TMIGD1: variants seen among roughly 807,000 people sequenced by gnomAD.
TMIGD1 encodes the protein transmembrane and immunoglobulin domain containing 1.
In TMIGD1, 29 loss-of-function variants were observed where a neutral mutation model predicts 27.5. That is an observed-to-expected ratio of 1.05 (90% CI 0.78 to 1.44). The LOEUF is 1.44. Among genes scored for constraint, TMIGD1 ranks in the 40% most tolerant of loss-of-function variants. TMIGD1 has a pLI of 0.00. For synonymous variants in TMIGD1, 109 were observed against 110.3 expected, an observed-to-expected ratio of 0.99 and a Z score of 0.07; for missense variants, 334 against 310.6, an observed-to-expected ratio of 1.08 and a Z score of -0.57.
At chr17:30,325,283 A>T (rs1488496407) in intron 3 of TMIGD1, among the ~76,000 whole-genome samples, 189 bp from the exon 4 acceptor site, 1 of 152,180 alleles carries the variant, frequency 6.6e-6, no homozygotes, top group Non-Finnish European at 1.5e-5. Context: ...ATCTCATAGA[A>T]CTTTTAATGT....
intron 6 of TMIGD1, 66 bp downstream of exon 6, chr17:30,317,127 G>GTGA: frequency 6.5e-7 from 1 of 1,529,810 alleles, no homozygotes; most frequent in South Asian, 1.1e-5. Flanking sequence ...TTTGTCTAGA[G>GTGA]TGATGCATAT....
At chr17:30,318,043 G>A (rs117081340) in intron 5 of TMIGD1, among the ~76,000 whole-genome samples, 143 of 152,100 alleles carry the variant, frequency 9.4e-4, no homozygotes, top group South Asian at 4.6e-3. Flanking sequence ...ACTCCAGCCT[G>A]GGAGAGAGAG....
rs1490989411 is a variant in TMIGD1 at position 30,329,534 on chromosome 17, G to A, written c.83-5C>T. On this transcript the variant is annotated splice_polypyrimidine_tract_variant and splice_region_variant and intron_variant, in intron 2 of 6. Coordinates refer to ENST00000328886, the MANE Select transcript of TMIGD1 (RefSeq NM_206832.3). ...CATTCACAGTTAAAACAGAACCTGG[G>A]AGTATAGGGAGAAACTATTTAGATA... is the stretch of plus-strand genomic sequence containing the variant. 6.2e-7 allele frequency: 1 copy of A among 1,604,184 alleles called. No homozygotes were observed. The highest frequency in any genetic ancestry group is 8.5e-7 in the Non-Finnish European group (1 of 1,172,566).
intron 1 of TMIGD1, among the ~76,000 whole-genome samples, 157 bp downstream of exon 1, chr17:30,333,843 C>T (rs1910062936): frequency 6.6e-6 from 1 of 151,928 alleles, no homozygotes; most frequent in South Asian, 2.1e-4. Flanking sequence ...GGCTTCTTGC[C>T]AGACCTCACC....
intron 6 of TMIGD1, 120 bp from the exon 7 acceptor site, chr17:30,316,810 A>G (rs759837789): frequency 1.1e-4 from 102 of 897,642 alleles, no homozygotes; most frequent in Non-Finnish European, 1.6e-4. Flanking sequence ...CCCACTTCAC[A>G]TATGCTAGAA....
Position 30,332,179 on chromosome 17 carries a change from T to G in TMIGD1, c.-25-21A>C, listed in dbSNP as rs1197255714. The G allele has an allele frequency of 4.6e-6, 7 of 1,522,808 alleles. No individual in the cohort carries two copies. The South Asian group carries it at 8.1e-5, about 18-fold the overall frequency. The allele number at this position is 1,522,808 out of a possible 1,614,324, so 94.3% of individuals were successfully genotyped here. On this transcript the variant is annotated intron_variant, in intron 1 of 6. Coordinates refer to ENST00000328886, the MANE Select transcript of TMIGD1 (RefSeq NM_206832.3). ...ATCTACTAAGGGAAAAATAGTGCAG[T>G]TGGTTTTGTACTTTGGTCTGCAATG...
chr17:30,317,480 C>T (rs111356098), intron 5 of TMIGD1, among the ~76,000 whole-genome samples: 4,456 of 152,120 alleles, frequency 0.029, 218 homozygotes, highest in African/African-American at 0.1. Flanking sequence ...AAAATGCGGC[C>T]GAGTGCAGTG....
At chr17:30,332,460 A>G (rs576554832) in intron 1 of TMIGD1, among the ~76,000 whole-genome samples, 4 of 152,326 alleles carry the variant, frequency 2.6e-5, no homozygotes, top group African/African-American at 7.2e-5. Flanking sequence ...ATAGAATTTC[A>G]TTTTAGCAGA....
In TMIGD1 at chr17:30,329,311, AG is replaced by A. The variant is rs1567851345; in HGVS notation, c.300del (p.Phe101LeufsTer17). The A allele has an allele frequency of 6.2e-7, 1 of 1,614,066 alleles. No homozygotes were observed. The highest frequency in any genetic ancestry group is 1.7e-5 in the Admixed American group (1 of 59,990). ...TGATCCCTCCCCAGCCTGCAGGTAA[AG>A]CTGATTCCGTTGTCATTTTCACTGA... ...SSISENDNGI[S>X]FTCRLGRDQS... On this transcript the variant is annotated frameshift_variant, in exon 3 of 7. Transcript: ENST00000328886. LOFTEE classifies it high-confidence loss of function.
chr17:30,329,402 C>T lies in TMIGD1; in HGVS notation c.210G>A (p.Glu70=), dbSNP rs369359410. ...TREEELLWYR[E]EGRVDLKSGN... ...CAGATTTCAAATCCACTCTCCCCTCCTCTCGGTACCAGAGCAGTTCTTCCT... is the reference window on the plus strand; with the variant it reads ...CAGATTTCAAATCCACTCTCCCCTCTTCTCGGTACCAGAGCAGTTCTTCCT... The change falls in exon 3 of 7, where the codon GAG becomes GAA. Residue 70 remains glutamate (E), a synonymous_variant. Coordinates refer to ENST00000328886, the MANE Select transcript of TMIGD1 (RefSeq NM_206832.3). The T allele has an allele frequency of 1.6e-4, 251 of 1,614,106 alleles. No homozygotes were observed. Among genetic ancestry groups the T allele is most frequent in the Non-Finnish European group, 2.1e-4 (243 of 1,180,052 alleles).
At chr17:30,332,511 A>T (rs1744757038) in intron 1 of TMIGD1, among the ~76,000 whole-genome samples, 1 of 152,176 alleles carries the variant, frequency 6.6e-6, no homozygotes, top group Non-Finnish European at 1.5e-5. Flanking sequence ...TACTGAACAA[A>T]GTAATTCTTG....
chr17:30,321,775 GA>G (rs2143145511), intron 4 of TMIGD1, among the ~76,000 whole-genome samples: 1 of 152,302 alleles, frequency 6.6e-6, no homozygotes, highest in African/African-American at 2.4e-5. Flanking sequence ...TTAAGATTAT[GA>G]AATAGGGTTT....
At chr17:30,322,829 G>A (rs542320868) in intron 4 of TMIGD1, among the ~76,000 whole-genome samples, 1 of 152,290 alleles carries the variant, frequency 6.6e-6, no homozygotes, top group East Asian at 1.9e-4. Context: ...ACAAACCGAA[G>A]TAAACTACCT....
chr17:30,332,563 C>T (rs1230026807), intron 1 of TMIGD1, among the ~76,000 whole-genome samples: 1 of 152,118 alleles, frequency 6.6e-6, no homozygotes, highest in Non-Finnish European at 1.5e-5. Context: ...AAGATGTTCT[C>T]TGATAATAGA....
At chr17:30,317,312 G>A (rs1909447285) in intron 5 of TMIGD1, 79 bp from the exon 6 acceptor site, 14 of 1,518,290 alleles carry the variant, frequency 9.2e-6, no homozygotes, top group East Asian at 2.3e-5. Context: ...AAGATGGCTC[G>A]AGGACAGGTG....
chr17:30,318,158 G>A (rs1909482526), intron 5 of TMIGD1, among the ~76,000 whole-genome samples: 1 of 152,118 alleles, frequency 6.6e-6, no homozygotes, highest in South Asian at 2.1e-4. Flanking sequence ...GGAATAGGGG[G>A]TGGAGTGAAT....
At chr17:30,329,552 T>C (rs768634777) in intron 2 of TMIGD1, 23 bp from the exon 3 acceptor site, 1 of 1,597,562 alleles carries the variant, frequency 6.3e-7, no homozygotes, top group Non-Finnish European at 8.6e-7. Context: ...GGAGAAACTA[T>C]TTAGATATAC....
chr17:30,319,371 G>T (rs930231315), intron 4 of TMIGD1, among the ~76,000 whole-genome samples: 2 of 138,998 alleles, frequency 1.4e-5, no homozygotes, highest in Non-Finnish European at 3.0e-5. Flanking sequence ...GTTGCAGTGA[G>T]CCAGGGTCGC....
chr17:30,322,068 A>G (rs1278441294), intron 4 of TMIGD1, among the ~76,000 whole-genome samples: 1 of 151,214 alleles, frequency 6.6e-6, no homozygotes, highest in Non-Finnish European at 1.5e-5. Flanking sequence ...GGCTCAAGCA[A>G]CCCTCCCGCT....
Sources: allele counts gnomAD v4.1 joint callset (sites outside exome capture counted in the v4.1 genomes callset), GRCh38; gene constraint gnomAD v4.1.1; transcripts MANE v1.5; gene names NCBI Gene and HGNC (gene_info 2026-07-23, HGNC 2026-07-21).